Variants in EXD3 observed in about 807,000 individuals in gnomAD.
EXD3 encodes the protein exonuclease mut-7 homolog.
In EXD3, 92 loss-of-function variants were observed where a neutral mutation model predicts 98.0. The ratio of observed to expected loss-of-function variants is 0.94; its 90% CI spans 0.79 to 1.12. The LOEUF is 1.12. EXD3 is among the 50% of genes most tolerant of loss of function. EXD3 has a pLI of 0.00. For synonymous variants in EXD3, 569 were observed against 526.0 expected (o/e 1.08, Z -1.12); for missense variants, 1,222 against 1,191.6 (o/e 1.03, Z -0.38).
At chr9:137,388,764 C>T (rs1157988364) in intron 2 of EXD3, among the ~76,000 whole-genome samples, 1 of 152,182 alleles carries the variant, frequency 6.6e-6, no homozygotes, top group Non-Finnish European at 1.5e-5. Context: ...ACAAAGCTCA[C>T]AGCCCGTCTC....
rs80244306 is a variant in EXD3, at chr9:137,349,772, C to T, written c.1495-241G>A. On this transcript the variant is annotated intron_variant, in intron 14 of 21. Transcript: ENST00000340951. The surrounding 1 kb of genome is among the most constrained non-coding windows in gnomAD (Gnocchi z 7.4). Reference sequence around the variant, plus strand: ...CCGGGGGCCCTGGTCAGCAGTCCCACGGTAACCCCGCCCAGCCCCTCACAG... The same window carrying T: ...CCGGGGGCCCTGGTCAGCAGTCCCATGGTAACCCCGCCCAGCCCCTCACAG... Among the ~76,000 whole-genome samples, 2,495 of 152,220 alleles carry T rather than the reference C, an allele frequency of 0.016. 59 individuals carry two copies. The highest frequency in any genetic ancestry group is 0.05 in the African/African-American group (2,061 of 41,540).
chr9:137,413,205 G>C (rs1838081466), intron 1 of EXD3, among the ~76,000 whole-genome samples: 1 of 151,318 alleles, frequency 6.6e-6, no homozygotes, highest in Non-Finnish European at 1.5e-5. Flanking sequence ...TCCAACTCCA[G>C]AACTTTTTTT....
chr9:137,358,021 G>A (rs1363940365), intron 7 of EXD3, among the ~76,000 whole-genome samples: 4 of 152,028 alleles, frequency 2.6e-5, no homozygotes, highest in Admixed American at 6.6e-5. Flanking sequence ...TTAAGGGTGC[G>A]TCTGCCTCTC....
At position 137,403,411 on chromosome 9, in the gene EXD3, CCACCCCCAGCCCAG is replaced by C. The variant is rs35816428; in HGVS notation, c.-47-8021_-47-8008del. 0.49 allele frequency among the ~76,000 whole-genome samples: 73,854 copies of C among 151,644 alleles called. 18,160 individuals are homozygous for C. The highest frequency in any genetic ancestry group is 0.56 in the Middle Eastern group (166 of 294). On this transcript the variant is annotated intron_variant, in intron 1 of 21. Coordinates refer to ENST00000340951, the MANE Select transcript of EXD3 (RefSeq NM_017820.5). The surrounding 1 kb of genome is among the most constrained non-coding windows in gnomAD (Gnocchi z 6.1). ...AGACCCCGTTCCTCTGTAGCCCTCC[CCACCCCCAGCCCAG>C]CAGCAGCAGCAGCCAGCACACCCTG...
At chr9:137,404,067 C>T (rs1156674081) in intron 1 of EXD3, among the ~76,000 whole-genome samples, 1 of 152,174 alleles carries the variant, frequency 6.6e-6, no homozygotes, top group African/African-American at 2.4e-5. Context: ...GGTCTCCTCC[C>T]TGGGTCCTCA....
chr9:137,388,077 C>T (rs1434363445), intron 2 of EXD3, among the ~76,000 whole-genome samples: 6 of 152,164 alleles, frequency 3.9e-5, no homozygotes, highest in Non-Finnish European at 8.8e-5. Flanking sequence ...AGAAAAAACT[C>T]AAGCTCAAGA....
chr9:137,386,637 T>G (rs1198487062), intron 2 of EXD3, among the ~76,000 whole-genome samples: 2 of 152,040 alleles, frequency 1.3e-5, no homozygotes, highest in African/African-American at 4.8e-5. Flanking sequence ...CCCCTCAGCC[T>G]TGAGAGTCAA....
rs796339890 is a variant in EXD3 at position 137,328,309 on chromosome 9, A to G, written c.1999-4166T>C. Among the ~76,000 whole-genome samples the G allele has an allele frequency of 1.2e-3, 161 of 139,566 alleles. 1 individual carries two copies. The highest frequency in any genetic ancestry group is 5.1e-3 in the Middle Eastern group (1 of 198). 91.6% of individuals were successfully genotyped at this position (139,566 alleles called of 152,430 possible). ...GTAAAAACAACGAATAAACACCCAT[A>G]TGATGAGTAAAAACAACTAATATAC... On this transcript the variant is annotated intron_variant, in intron 17 of 21. Coordinates refer to ENST00000340951, the MANE Select transcript of EXD3 (RefSeq NM_017820.5).
At chr9:137,370,583 C>A (rs376022529) in intron 5 of EXD3, among the ~76,000 whole-genome samples, 3 of 150,806 alleles carry the variant, frequency 2.0e-5, no homozygotes, top group East Asian at 3.9e-4. Flanking sequence ...TCTAGACAGG[C>A]CCAGGAGCTG....
chr9:137,344,616 T>C (rs1255542927), intron 17 of EXD3, among the ~76,000 whole-genome samples: 1 of 152,212 alleles, frequency 6.6e-6, no homozygotes, highest in Non-Finnish European at 1.5e-5. Context: ...GGTTACACTT[T>C]TGGGAATGAT....
In EXD3 at chr9:137,364,669, C is replaced by T. The variant is rs567694612; in HGVS notation, c.656+1824G>A. Among the ~76,000 whole-genome samples the T allele has an allele frequency of 1.1e-4, 17 of 152,026 alleles. No homozygotes were observed. The South Asian group carries it at 3.3e-3, about 30-fold the overall frequency. On this transcript the variant is annotated intron_variant, in intron 7 of 21. Coordinates refer to ENST00000340951, the MANE Select transcript of EXD3 (RefSeq NM_017820.5). ...ATATCTGCAATGAAATCTAACACTG[C>T]AGGGTCTTCTTCACCCTCCCAGTTT...
intron 3 of EXD3, chr9:137,374,561 C>T (rs1399680943): frequency 3.0e-6 from 3 of 985,378 alleles, no homozygotes; most frequent in Non-Finnish European, 3.6e-6. Context: ...GCTCCCAGCA[C>T]CTGACAAATC....
intron 17 of EXD3, among the ~76,000 whole-genome samples, chr9:137,344,650 C>T (rs1330018056): frequency 1.3e-5 from 2 of 152,218 alleles, no homozygotes; most frequent in South Asian, 2.1e-4. Flanking sequence ...CATCTTTTGC[C>T]ATCTGGACAG....
intron 19 of EXD3, among the ~76,000 whole-genome samples, chr9:137,314,575 T>G (rs1474231124): frequency 6.6e-6 from 1 of 152,014 alleles, no homozygotes; most frequent in Non-Finnish European, 1.5e-5. Context: ...GTGGCAGCCC[T>G]GGAGAGGCCT....
Position 137,329,285 on chromosome 9 carries a change from CGGGGCTACAG to C in EXD3, c.1999-5152_1999-5143del, listed in dbSNP as rs1189333749. On this transcript the variant is annotated intron_variant, in intron 17 of 21. Coordinates refer to ENST00000340951, the MANE Select transcript of EXD3 (RefSeq NM_017820.5). ...TACACGGGGCTACACGGGAGCTACA[CGGGGCTACAG>C]GGGGCTACACGGGGCTACACGGGAC... Among the ~76,000 whole-genome samples the C allele has an allele frequency of 6.1e-4, 8 of 13,192 alleles. 1 individual carries two copies. Among genetic ancestry groups the C allele is most frequent in the African/African-American group, 7.9e-4 (1 of 1,260 alleles). 8.7% of individuals were successfully genotyped at this position (13,192 alleles called of 152,430 possible). A position where few individuals can be genotyped will look rare whatever the true frequency, so the allele number is the denominator to read the frequency against.
Position 137,354,713 on chromosome 9 carries a change from T to C in EXD3, c.818A>G (p.Lys273Arg). ...RLAALRHLCH[K>R]RFVEKSLSQE... ...CTGCTCACGAACCTCCACAAACCGC[T>C]TGTGGCACAGGTGCCGCAGGGCCGC... The change falls in exon 9 of 22, where the codon AAG becomes AGG. Residue 273 changes from lysine (K) to arginine (R), a missense_variant. Coordinates refer to ENST00000340951, the MANE Select transcript of EXD3 (RefSeq NM_017820.5). 6 of 1,610,970 alleles carry C rather than the reference T, an allele frequency of 3.7e-6. No individual in the cohort carries two copies. The highest frequency in any genetic ancestry group is 5.1e-6 in the Non-Finnish European group (6 of 1,179,672).
At chr9:137,365,625 G>T in intron 7 of EXD3, 1 of 190,956 alleles carries the variant, frequency 5.2e-6, no homozygotes, top group South Asian at 8.7e-5. Flanking sequence ...ACACCTGCAG[G>T]CACACACACG....
chr9:137,383,461 A>T (rs1012409276), intron 2 of EXD3, 84 bp from the exon 3 acceptor site: 19 of 1,051,416 alleles, frequency 1.8e-5, no homozygotes, highest in Non-Finnish European at 2.6e-5. Flanking sequence ...CCTCCCACTG[A>T]CCCGCAATGC....
intron 8 of EXD3, among the ~76,000 whole-genome samples, chr9:137,355,621 G>GGAGAAAGGGAGGAA (rs1564508880): frequency 2.6e-4 from 1 of 3,850 alleles, no homozygotes; most frequent in Admixed American, 2.6e-3. Context: ...GAAGGAGGAA[G>GGAGAAAGGGAGGAA]GGAGGATGGA....
Sources: allele counts gnomAD v4.1 joint callset (sites outside exome capture counted in the v4.1 genomes callset), GRCh38; gene constraint gnomAD v4.1.1; non-coding constraint Gnocchi (gnomAD v3.1); transcripts MANE v1.5; gene names NCBI Gene and HGNC (gene_info 2026-07-23, HGNC 2026-07-21).